The following AGBL4 variants were observed in gnomAD, a reference collection of about 807,000 sequenced individuals.
The protein encoded by AGBL4 is AGBL carboxypeptidase 4.
Under a neutral mutation model 66.4 loss-of-function variants are expected in AGBL4, and 58 were observed. That is an observed-to-expected ratio of 0.87 (90% CI 0.71 to 1.09). The LOEUF (loss-of-function observed/expected upper bound fraction) is 1.09, where lower values mean the gene tolerates loss of function less well. AGBL4 is among the 50% of genes least tolerant of loss of function. The pLI, the probability that AGBL4 is intolerant of heterozygous loss-of-function variation, is 0.00. For missense variants in AGBL4, 579 were observed against 631.0 expected, an observed-to-expected ratio of 0.92 and a Z score of 0.88; for synonymous variants, 234 against 222.9, an observed-to-expected ratio of 1.05 and a Z score of -0.44.
At chr1:49,430,927 A>G (rs566460772) in intron 3 of AGBL4, among the ~76,000 whole-genome samples, 1 of 152,286 alleles carries the variant, frequency 6.6e-6, no homozygotes, top group African/African-American at 2.4e-5. Flanking sequence ...ACTCAATATT[A>G]TGTTTGTGAA....
chr1:48,674,047 C>A (rs1180175501), intron 6 of AGBL4, among the ~76,000 whole-genome samples: 20 of 152,284 alleles, frequency 1.3e-4, no homozygotes, highest in Middle Eastern at 3.4e-3. Flanking sequence ...ACTCCCTAGC[C>A]CGCTTGTCCC....
chr1:49,062,169 C>T (rs962575308), intron 4 of AGBL4, among the ~76,000 whole-genome samples: 3 of 152,146 alleles, frequency 2.0e-5, no homozygotes, highest in Non-Finnish European at 4.4e-5. Flanking sequence ...CCCCAACCCC[C>T]GTCGATGGAA....
chr1:49,626,137 G>A (rs1645459138), intron 3 of AGBL4, among the ~76,000 whole-genome samples: 1 of 152,108 alleles, frequency 6.6e-6, no homozygotes, highest in South Asian at 2.1e-4. Context: ...GTAGAATGCA[G>A]TCCATATAAA....
At chr1:48,651,174 G>A (rs1367493574) in intron 8 of AGBL4, among the ~76,000 whole-genome samples, 2 of 152,184 alleles carry the variant, frequency 1.3e-5, no homozygotes, top group African/African-American at 4.8e-5. Flanking sequence ...GTCTCATAAT[G>A]AGAATCACAT....
At chr1:49,482,505 T>G (rs1336164988) in intron 3 of AGBL4, among the ~76,000 whole-genome samples, 3 of 152,072 alleles carry the variant, frequency 2.0e-5, no homozygotes, top group Non-Finnish European at 4.4e-5. Flanking sequence ...ATTGTTTTTA[T>G]ATAAATCTTC....
chr1:50,006,293 T>C (rs923299099), intron 1 of AGBL4, among the ~76,000 whole-genome samples: 1 of 148,768 alleles, frequency 6.7e-6, no homozygotes, highest in Non-Finnish European at 1.5e-5. Flanking sequence ...GAGCCAAGAT[T>C]GCGCCACTGC....
intron 3 of AGBL4, among the ~76,000 whole-genome samples, chr1:49,335,807 G>T (rs1645427605): frequency 6.6e-6 from 1 of 152,164 alleles, no homozygotes; most frequent in Non-Finnish European, 1.5e-5. Flanking sequence ...GAGCCACCGT[G>T]CCTGGCCTAA....
chr1:49,701,184 T>A (rs544616522), intron 2 of AGBL4, among the ~76,000 whole-genome samples: 1 of 151,820 alleles, frequency 6.6e-6, no homozygotes, highest in Non-Finnish European at 1.5e-5. Flanking sequence ...CCCAGGTACA[T>A]GGGAGGCTTA....
intron 3 of AGBL4, among the ~76,000 whole-genome samples, chr1:49,584,183 C>T (rs1209412551): frequency 1.4e-4 from 21 of 152,186 alleles, no homozygotes; most frequent in Admixed American, 1.3e-3. Flanking sequence ...AGACCAGAAA[C>T]TAGGGACCCC....
At chr1:48,916,562 A>T (rs1285916663) in intron 5 of AGBL4, among the ~76,000 whole-genome samples, 1 of 152,148 alleles carries the variant, frequency 6.6e-6, no homozygotes, top group East Asian at 1.9e-4. Flanking sequence ...ACACACACAC[A>T]CACAGATACC....
chr1:48,661,737 G>A (rs897105942), intron 7 of AGBL4, among the ~76,000 whole-genome samples: 1 of 152,174 alleles, frequency 6.6e-6, no homozygotes, highest in African/African-American at 2.4e-5. Flanking sequence ...GTGAGCACAG[G>A]GGTTTGGGCT....
intron 3 of AGBL4, among the ~76,000 whole-genome samples, chr1:49,630,772 C>T (rs1645555017): frequency 6.6e-6 from 1 of 152,150 alleles, no homozygotes; most frequent in Non-Finnish European, 1.5e-5. Context: ...ACTCCAGTAG[C>T]TCCTTAGAAG....
chr1:49,788,514 A>T (rs191074332), intron 2 of AGBL4, among the ~76,000 whole-genome samples: 1 of 152,032 alleles, frequency 6.6e-6, no homozygotes, highest in African/African-American at 2.4e-5. Flanking sequence ...ATCTTCAAAT[A>T]ACTAAAAAAA....
chr1:48,535,008 G>T, intron 12 of AGBL4, 92 bp from the exon 13 acceptor site: 2 of 1,240,760 alleles, frequency 1.6e-6, no homozygotes, highest in Non-Finnish European at 2.3e-6. Context: ...ATTGAAGGAT[G>T]TTGTTTTTAA....
chr1:49,197,129 C>T lies in AGBL4; in HGVS notation c.377+48641G>A, dbSNP rs191128192. 4.8e-4 allele frequency among the ~76,000 whole-genome samples: 73 copies of T among 152,218 alleles called. 1 individual carries two copies. The South Asian group carries it at 1.0e-2, about 21-fold the overall frequency. Reference sequence around the variant, plus strand: ...CAGGCACAAGCCACTGTGCCTGGCCCGATGTATGTTGGTAGGGCCTTTTGG... The same window carrying T: ...CAGGCACAAGCCACTGTGCCTGGCCTGATGTATGTTGGTAGGGCCTTTTGG... On this transcript the variant is annotated intron_variant, in intron 4 of 13. Coordinates refer to ENST00000371839, the MANE Select transcript of AGBL4 (RefSeq NM_032785.4).
At chr1:49,972,472 T>C (rs1658212337) in intron 1 of AGBL4, among the ~76,000 whole-genome samples, 2 of 152,170 alleles carry the variant, frequency 1.3e-5, no homozygotes, top group Admixed American at 6.5e-5. Flanking sequence ...TGGCCTACAA[T>C]TCCATCAATG....
chr1:49,514,789 C>T (rs538132027), intron 3 of AGBL4, among the ~76,000 whole-genome samples: 11 of 152,056 alleles, frequency 7.2e-5, no homozygotes, highest in East Asian at 1.9e-4. Context: ...AATAGGGAAA[C>T]GATTCCCAAT....
chr1:49,654,529 A>G (rs988402305), intron 3 of AGBL4, among the ~76,000 whole-genome samples: 2 of 151,496 alleles, frequency 1.3e-5, no homozygotes, highest in Non-Finnish European at 2.9e-5. Context: ...TGGGGGTTAA[A>G]CTCTCCCATT....
chr1:49,848,842 C>T (rs749598448), intron 2 of AGBL4, among the ~76,000 whole-genome samples: 81 of 152,054 alleles, frequency 5.3e-4, no homozygotes, highest in Non-Finnish European at 1.0e-3. Flanking sequence ...GATGTTATAT[C>T]CAACAGCAGA....
Sources: gnomAD v4.1 joint callset for allele counts (sites outside exome capture counted in the v4.1 genomes callset) on GRCh38, gnomAD v4.1.1 for gene constraint, MANE v1.5 for transcripts, NCBI Gene and HGNC (gene_info 2026-07-23, HGNC 2026-07-21) for gene names.